Variants in TTC28 observed in about 807,000 individuals in gnomAD.
TTC28 encodes the protein tetratricopeptide repeat domain 28.
Under a neutral mutation model 198.0 loss-of-function variants are expected in TTC28, and 61 were observed. The ratio of observed to expected loss-of-function variants is 0.31; its 90% CI spans 0.25 to 0.38. The LOEUF (loss-of-function observed/expected upper bound fraction) is 0.38. Ranked by LOEUF, TTC28 falls within the 10% of genes least tolerant of loss-of-function variation. The pLI is 1.00. For synonymous variants in TTC28, 1,171 were observed against 1,297.8 expected (o/e 0.90, Z 2.10); for missense variants, 2,678 against 3,164.0 (o/e 0.85, Z 3.69).
chr22:28,120,066 C>T (rs1262077788), intron 6 of TTC28, among the ~76,000 whole-genome samples: 4 of 152,004 alleles, frequency 2.6e-5, no homozygotes, highest in Admixed American at 6.6e-5. Flanking sequence ...GAGAGGGGAA[C>T]CCTTCCTAAT....
intron 2 of TTC28, among the ~76,000 whole-genome samples, chr22:28,623,960 C>T (rs1181819408): frequency 2.0e-5 from 3 of 151,738 alleles, no homozygotes; most frequent in Non-Finnish European, 2.9e-5. Flanking sequence ...AAGTCAATGG[C>T]CTATGTTCTC....
rs751976373 is a variant in TTC28 at position 28,096,194 on chromosome 22, C to T, written c.3762G>A (p.Gly1254=). ...TCCCACAGAAAGAGATCTTACCTGC[C>T]CCAGGAGCCAGCAGCCAGCTATACA... ...GYLYSWLLAP[G]AGIVKFHEHY... The change falls in exon 11 of 23, where the codon GGG becomes GGA. Residue 1254 remains glycine, a synonymous_variant. Coordinates refer to ENST00000397906, the MANE Select transcript of TTC28 (RefSeq NM_001145418.2). The T allele has an allele frequency of 1.4e-5, 21 of 1,542,068 alleles. No individual in the cohort carries two copies. The South Asian group carries it at 1.9e-4, about 14-fold the overall frequency.
chr22:28,358,248 T>C (rs1337729080), intron 2 of TTC28, among the ~76,000 whole-genome samples: 2 of 152,200 alleles, frequency 1.3e-5, no homozygotes, highest in African/African-American at 4.8e-5. Context: ...CACTGTCTGA[T>C]CACCCAGAAA....
chr22:28,234,473 C>T lies in TTC28; in HGVS notation c.933+61725G>A, dbSNP rs572115847. Among the ~76,000 whole-genome samples the T allele has an allele frequency of 5.3e-5, 8 of 152,060 alleles. No individual in the cohort carries two copies. The East Asian group carries it at 9.8e-4, about 19-fold the overall frequency. ...CTGCAACCTCAGCCTCCTGGGTTCA[C>T]GTGATTCTCCTGCCTCAGCCTCCTG... On this transcript the variant is annotated intron_variant, in intron 5 of 22. Coordinates refer to ENST00000397906, the MANE Select transcript of TTC28 (RefSeq NM_001145418.2).
intron 6 of TTC28, among the ~76,000 whole-genome samples, chr22:28,153,644 A>G (rs1053376611): frequency 1.3e-5 from 2 of 152,180 alleles, no homozygotes; most frequent in African/African-American, 2.4e-5. Context: ...TTATTCATTA[A>G]AAGATAGCAC....
intron 1 of TTC28, among the ~76,000 whole-genome samples, chr22:28,638,307 A>C (rs2070640127): frequency 6.6e-6 from 1 of 152,142 alleles, no homozygotes; most frequent in Non-Finnish European, 1.5e-5. Context: ...TATCCCCTCT[A>C]TATAAAAAAT....
chr22:27,992,982 C>T (rs1937471044), intron 18 of TTC28: 3 of 562,108 alleles, frequency 5.3e-6, no homozygotes, highest in South Asian at 4.6e-5. Flanking sequence ...ATCGGGGCCA[C>T]AGCTGCTGAT....
At chr22:28,019,646 T>A (rs565268928) in intron 13 of TTC28, among the ~76,000 whole-genome samples, 1 of 152,348 alleles carries the variant, frequency 6.6e-6, no homozygotes, top group Non-Finnish European at 1.5e-5. Context: ...AATCTAGTCC[T>A]TCACTGCTTT....
At chr22:28,198,215 C>T (rs147013427) in intron 5 of TTC28, among the ~76,000 whole-genome samples, 177 of 152,186 alleles carry the variant, frequency 1.2e-3, no homozygotes, top group African/African-American at 4.0e-3. Flanking sequence ...GGCTATTCTG[C>T]GCCTTCTACG....
intron 2 of TTC28, among the ~76,000 whole-genome samples, chr22:28,339,895 G>T (rs2045801209): frequency 1.3e-5 from 2 of 152,062 alleles, no homozygotes; most frequent in Non-Finnish European, 2.9e-5. Flanking sequence ...TGCACCCACT[G>T]TCCTGCACCC....
chr22:28,622,697 T>C (rs2051019032), intron 2 of TTC28, among the ~76,000 whole-genome samples: 1 of 152,128 alleles, frequency 6.6e-6, no homozygotes, highest in South Asian at 2.1e-4. Flanking sequence ...CACAACTATA[T>C]GTTGTCCAAA....
chr22:28,026,342 G>T (rs543855443), intron 13 of TTC28, among the ~76,000 whole-genome samples: 16 of 152,234 alleles, frequency 1.1e-4, no homozygotes, highest in Non-Finnish European at 2.1e-4. Flanking sequence ...CCTCCTGGGT[G>T]GGGAACCAGT....
At chr22:28,138,868 G>C (rs563378033) in intron 6 of TTC28, among the ~76,000 whole-genome samples, 1 of 152,318 alleles carries the variant, frequency 6.6e-6, no homozygotes, top group East Asian at 1.9e-4. Flanking sequence ...ACTGAACTCA[G>C]ATACGAACAA....
intron 2 of TTC28, among the ~76,000 whole-genome samples, chr22:28,365,872 G>A (rs1323133714): frequency 6.6e-6 from 1 of 151,910 alleles, no homozygotes; most frequent in Non-Finnish European, 1.5e-5. Flanking sequence ...CTTCTCATAG[G>A]GAATAGGAAT....
chr22:28,083,717 G>A (rs1338883600), intron 12 of TTC28, among the ~76,000 whole-genome samples: 1 of 152,336 alleles, frequency 6.6e-6, no homozygotes, highest in South Asian at 2.1e-4. Context: ...GCGAGGCATC[G>A]CTTCACCAGG....
At chr22:28,326,975 AACACACACACACACACACACAC>A (rs57349023) in intron 2 of TTC28, among the ~76,000 whole-genome samples, 3 of 142,842 alleles carry the variant, frequency 2.1e-5, no homozygotes, top group Non-Finnish European at 3.0e-5. Flanking sequence ...CACAAACACA[AACACACACACACACACACACAC>A]ACACACACAC....
chr22:28,536,370 A>AT (rs1379982986), intron 2 of TTC28, among the ~76,000 whole-genome samples: 1 of 151,994 alleles, frequency 6.6e-6, no homozygotes, highest in African/African-American at 2.4e-5. Flanking sequence ...CACGCCTGTA[A>AT]TCCCAGCACT....
At chr22:28,577,201 T>A (rs1365372371) in intron 2 of TTC28, among the ~76,000 whole-genome samples, 2 of 152,112 alleles carry the variant, frequency 1.3e-5, no homozygotes, top group Admixed American at 6.5e-5. Context: ...AGAAATTTTT[T>A]AATTTCTTTC....
intron 5 of TTC28, among the ~76,000 whole-genome samples, chr22:28,279,000 C>G (rs1455480411): frequency 6.6e-6 from 1 of 152,170 alleles, no homozygotes; most frequent in Non-Finnish European, 1.5e-5. Flanking sequence ...CATGGGTCAG[C>G]TCTCACCAAG....
Sources: gnomAD v4.1 joint callset for allele counts (sites outside exome capture counted in the v4.1 genomes callset) on GRCh38, gnomAD v4.1.1 for gene constraint, MANE v1.5 for transcripts, NCBI Gene and HGNC (gene_info 2026-07-23, HGNC 2026-07-21) for gene names.